Variants in CCDC90B observed in about 807,000 individuals in gnomAD.
CCDC90B encodes coiled-coil domain containing 90B.
Under a neutral mutation model 37.0 loss-of-function variants are expected in CCDC90B, and 24 were observed. The observed-to-expected ratio is 0.65, with a 90% confidence interval of 0.47 to 0.91. CCDC90B has a LOEUF of 0.91. CCDC90B is among the 40% of genes least tolerant of loss of function. The pLI, the probability that CCDC90B is intolerant of heterozygous loss-of-function variation, is 0.00. For synonymous variants in CCDC90B, 113 were observed against 101.1 expected (o/e 1.12, Z -0.71); for missense variants, 319 against 299.0 (o/e 1.07, Z -0.49).
intron 7 of CCDC90B, chr11:83,267,468 T>C (rs1864355793): frequency 6.6e-6 from 1 of 152,160 alleles, no homozygotes; most frequent in Non-Finnish European, 1.5e-5. Context: ...TCGTGATGCA[T>C]GCCCAAGCTT....
intron 2 of CCDC90B, among the ~76,000 whole-genome samples, chr11:83,279,609 A>G (rs1445197764): frequency 6.6e-6 from 1 of 152,106 alleles, no homozygotes; most frequent in Non-Finnish European, 1.5e-5. Flanking sequence ...TTAGTTTTCA[A>G]TAAGGGGATC....
intron 8 of CCDC90B, among the ~76,000 whole-genome samples, chr11:83,264,900 C>G (rs888804944): frequency 1.4e-5 from 2 of 138,514 alleles, no homozygotes; most frequent in African/African-American, 5.5e-5. Context: ...TAGGTGGGAA[C>G]TGAACAATGA....
At chr11:83,275,536 AT>A (rs60783247) in intron 3 of CCDC90B, among the ~76,000 whole-genome samples, 20,232 of 142,422 alleles carry the variant, frequency 0.14, 1,437 homozygotes, top group Middle Eastern at 0.21. Flanking sequence ...AAAAAAAAAA[AT>A]TTGAAATCTG....
chr11:83,263,678 T>C (rs936520729), intron 8 of CCDC90B, among the ~76,000 whole-genome samples: 2 of 152,176 alleles, frequency 1.3e-5, no homozygotes, highest in African/African-American at 4.8e-5. Context: ...CTGAGGATTT[T>C]AAAAATTGGA....
At position 83,273,811 on chromosome 11, in the gene CCDC90B, C is replaced by T. The variant is rs763498330; in HGVS notation, c.522G>A (p.Arg174=). The T allele has an allele frequency of 6.8e-6, 11 of 1,609,834 alleles. No homozygotes were observed. Among genetic ancestry groups the T allele is most frequent in the East Asian group, 2.2e-5 (1 of 44,738 alleles). ...ADNKLDINLE[R]SRVTDMFTDQ... ...ACATTACCATATCTGTTACTCTGCT[C>T]CTTTCTAAGTTGATATCCAGTTTAT... Residue 174 remains arginine, a synonymous_variant, in exon 6 of 9, where the codon AGG becomes AGA. Transcript: ENST00000529689.
chr11:83,280,353 A>G, intron 1 of CCDC90B, 93 bp from the exon 2 acceptor site: 1 of 1,135,830 alleles, frequency 8.8e-7, no homozygotes, highest in South Asian at 1.4e-5. Context: ...CATTTATAAT[A>G]TAGTTCCAGC....
rs1565204948 is a variant in CCDC90B at position 83,261,818 on chromosome 11, T to C, written c.*93A>G. On this transcript the variant is annotated 3_prime_UTR_variant, in exon 9 of 9. Transcript: ENST00000529689. ...ATACACTTCGAATAATCTTGTGTAG[T>C]AAATTTTTGCTGCAACTGACAATGT... The C allele has an allele frequency of 3.6e-6, 3 of 843,444 alleles. No individual in the cohort carries two copies. The highest frequency in any genetic ancestry group is 1.6e-5 in the South Asian group (1 of 62,840). 52.2% of individuals were successfully genotyped at this position (843,444 alleles called of 1,614,324 possible).
chr11:83,279,866 A>T (rs907543193), intron 2 of CCDC90B, among the ~76,000 whole-genome samples: 1 of 151,800 alleles, frequency 6.6e-6, no homozygotes, highest in African/African-American at 2.4e-5. Context: ...CACGGACTTT[A>T]GTTTAACCTA....
intron 7 of CCDC90B, among the ~76,000 whole-genome samples, chr11:83,270,679 C>G (rs1010109717): frequency 1.3e-5 from 2 of 152,218 alleles, no homozygotes; most frequent in African/African-American, 4.8e-5. Context: ...ATATTCCATG[C>G]TCATGGATAG....
chr11:83,264,847 C>CT (rs1246269942), intron 8 of CCDC90B, among the ~76,000 whole-genome samples: 1 of 150,814 alleles, frequency 6.6e-6, no homozygotes, highest in African/African-American at 2.4e-5. Context: ...TCTCAGTAAA[C>CT]TATCACAAGA....
At position 83,260,550 on chromosome 11, in the gene CCDC90B, TCA is replaced by T; in HGVS notation, c.*1359_*1360del. On this transcript the variant is annotated 3_prime_UTR_variant, in exon 9 of 9. Coordinates refer to ENST00000529689, the MANE Select transcript of CCDC90B (RefSeq NM_021825.5). ...AAAATATAGTTGGAAAGCCTGACTC[TCA>T]CTCACTGGACCATATGGACCAATCT... is the stretch of plus-strand genomic sequence containing the variant. 1 of 152,338 alleles carries T rather than the reference TCA, an allele frequency of 6.6e-6. No individual in the cohort carries two copies. Among genetic ancestry groups the T allele is most frequent in the African/African-American group, 2.4e-5 (1 of 41,598 alleles). 9.4% of individuals were successfully genotyped at this position (152,338 alleles called of 1,614,324 possible).
intron 8 of CCDC90B, among the ~76,000 whole-genome samples, chr11:83,263,166 C>G (rs1373230868): frequency 6.6e-6 from 1 of 152,148 alleles, no homozygotes; most frequent in Non-Finnish European, 1.5e-5. Flanking sequence ...AAGACTCAAT[C>G]TGTCATTTAT....
Position 83,278,732 on chromosome 11 carries a change from A to C in CCDC90B, c.318T>G (p.Ala106=), listed in dbSNP as rs188393866. Residue 106 remains alanine, a synonymous_variant, in exon 3 of 9, where the codon GCT becomes GCG. Coordinates refer to ENST00000529689, the MANE Select transcript of CCDC90B (RefSeq NM_021825.5). ...DTIYKEMVTQ[A]QQEITVQQLM... ...ATAGTAATCAGTGTATTACCTGTTGAGCTTGAGTGACCATCTCTTTATAGA... is the reference window on the plus strand; with the variant it reads ...ATAGTAATCAGTGTATTACCTGTTGCGCTTGAGTGACCATCTCTTTATAGA... 285 of 1,598,886 alleles carry C rather than the reference A, an allele frequency of 1.8e-4. 3 individuals are homozygous for C. In the East Asian group the frequency reaches 4.9e-3, roughly 27 times the overall value.
chr11:83,266,086 T>A (rs775867613), intron 7 of CCDC90B, 107 bp from the exon 8 acceptor site: 3 of 605,948 alleles, frequency 5.0e-6, no homozygotes, highest in Non-Finnish European at 8.6e-6. Context: ...GATATAAAAG[T>A]CTTAGTTGGG....
rs1191926141 is a variant in CCDC90B at position 83,286,120 on chromosome 11, G to T, written c.-148C>A. The T allele has an allele frequency of 2.2e-5, 34 of 1,536,238 alleles. No individual in the cohort carries two copies. The highest frequency in any genetic ancestry group is 2.9e-5 in the Non-Finnish European group (33 of 1,146,930). ...CTCACCTCCCAGCGCAGGCGCCACC[G>T]TGGTCCCACGAAACTGGGTCTCTTC... On this transcript the variant is annotated 5_prime_UTR_variant, in exon 1 of 9. Coordinates refer to ENST00000529689, the MANE Select transcript of CCDC90B (RefSeq NM_021825.5).
intron 1 of CCDC90B, among the ~76,000 whole-genome samples, chr11:83,280,912 C>T (rs1030351891): frequency 4.6e-5 from 7 of 152,164 alleles, no homozygotes; most frequent in South Asian, 2.1e-4. Flanking sequence ...AAATCATGGA[C>T]GTATTTACTG....
Position 83,259,862 on chromosome 11 carries a change from G to T in CCDC90B, c.*2049C>A, listed in dbSNP as rs552904090. 6.6e-6 allele frequency: 1 copy of T among 152,250 alleles called. No homozygotes were observed. The highest frequency in any genetic ancestry group is 2.4e-5 in the African/African-American group (1 of 41,436). The allele number at this position is 152,250 out of a possible 1,614,324, so 9.4% of individuals were successfully genotyped here. A position where few individuals can be genotyped will look rare whatever the true frequency, so the allele number is the denominator to read the frequency against. Reference sequence around the variant, plus strand: ...ATGGGTTTCATCTTAAGGCCAGTAAGCTTCTTATCACTGAACTCTAGAACT... The same window carrying T: ...ATGGGTTTCATCTTAAGGCCAGTAATCTTCTTATCACTGAACTCTAGAACT... On this transcript the variant is annotated 3_prime_UTR_variant, in exon 9 of 9. Coordinates refer to ENST00000529689, the MANE Select transcript of CCDC90B (RefSeq NM_021825.5).
intron 7 of CCDC90B, chr11:83,266,743 A>T (rs1864300981): frequency 6.6e-6 from 1 of 152,184 alleles, no homozygotes; most frequent in South Asian, 2.1e-4. Flanking sequence ...AGCTGTGAAG[A>T]CAGCAGTGGT....
At chr11:83,276,160 T>C (rs1865013944) in intron 3 of CCDC90B, among the ~76,000 whole-genome samples, 2 of 152,186 alleles carry the variant, frequency 1.3e-5, no homozygotes, top group African/African-American at 2.4e-5. Flanking sequence ...GCTTGACATA[T>C]TTTATGAGAA....
Sources: gnomAD v4.1 joint callset for allele counts (sites outside exome capture counted in the v4.1 genomes callset) on GRCh38, gnomAD v4.1.1 for gene constraint, MANE v1.5 for transcripts, NCBI Gene and HGNC (gene_info 2026-07-23, HGNC 2026-07-21) for gene names.